The following ARFGEF1 variants were observed in gnomAD, a reference collection of about 807,000 sequenced individuals.
ARFGEF1 encodes brefeldin A-inhibited guanine nucleotide-exchange protein 1.
A neutral mutation model predicts 231.0 loss-of-function variants in ARFGEF1; 42 were observed. The ratio of observed to expected loss-of-function variants is 0.18; its 90% CI spans 0.14 to 0.24. The LOEUF is 0.24. Among genes scored for constraint, ARFGEF1 ranks in the 10% least tolerant of loss-of-function variants. The pLI is 1.00. For missense variants in ARFGEF1, 1,345 were observed against 2,192.0 expected (o/e 0.61, Z 7.72); for synonymous variants, 710 against 732.3 (o/e 0.97, Z 0.49).
At chr8:67,216,437 A>C (rs1365145915) in intron 33 of ARFGEF1, among the ~76,000 whole-genome samples, 153 bp downstream of exon 33, 3 of 148,512 alleles carry the variant, frequency 2.0e-5, no homozygotes, top group Non-Finnish European at 4.5e-5. Context: ...TCGTAATTGT[A>C]AAAAAAAAAT....
chr8:67,185,100 G>A (rs1325449803), intron 5 of ARFGEF1, among the ~76,000 whole-genome samples: 3 of 143,908 alleles, frequency 2.1e-5, no homozygotes, highest in Admixed American at 6.8e-5. Context: ...GCAAGACTCC[G>A]TCTCAAAAAA....
intron 34 of ARFGEF1, among the ~76,000 whole-genome samples, chr8:67,211,054 AAAAC>A (rs1197257931): frequency 6.9e-6 from 1 of 144,802 alleles, no homozygotes; most frequent in African/African-American, 2.6e-5. Context: ...AAAAAAAAAA[AAAAC>A]AAAAGTGGCC....
intron 19 of ARFGEF1, among the ~76,000 whole-genome samples, chr8:67,247,144 A>G (rs1840132283): frequency 6.6e-6 from 1 of 150,480 alleles, no homozygotes; most frequent in Non-Finnish European, 1.5e-5. Flanking sequence ...TGATGGCTTC[A>G]CTGCTAAATT....
At position 67,296,464 on chromosome 8, in the gene ARFGEF1, T is replaced by C; in HGVS notation, c.606A>G (p.Leu202=). The change falls in exon 5 of 39, where the codon CTA becomes CTG. Residue 202 remains leucine (L), a synonymous_variant. Coordinates refer to ENST00000262215, the MANE Select transcript of ARFGEF1 (RefSeq NM_006421.5). ...TTAKATLTQM[L]NVIFARMENQ... ...TTTCCATGCGTGCAAAGATAACATT[T>C]AGCATCTGAGTGAGAGTAGCTTTGG... 6.2e-7 allele frequency: 1 copy of C among 1,613,998 alleles called. No homozygotes were observed. Among genetic ancestry groups the C allele is most frequent in the African/African-American group, 1.3e-5 (1 of 75,032 alleles).
intron 1 of ARFGEF1, among the ~76,000 whole-genome samples, chr8:67,310,633 A>G (rs1806964341): frequency 6.7e-6 from 1 of 150,262 alleles, no homozygotes; most frequent in African/African-American, 2.5e-5. Flanking sequence ...CCCGGCCACC[A>G]TCACATCTAG....
intron 15 of ARFGEF1, among the ~76,000 whole-genome samples, chr8:67,259,492 C>T (rs1440118319): frequency 6.6e-6 from 1 of 152,102 alleles, no homozygotes; most frequent in Non-Finnish European, 1.5e-5. Flanking sequence ...CCTCCCAAAG[C>T]GCTGGAATTA....
intron 5 of ARFGEF1, among the ~76,000 whole-genome samples, chr8:67,182,028 G>C (rs1833179529): frequency 6.6e-6 from 1 of 152,002 alleles, no homozygotes; most frequent in Non-Finnish European, 1.5e-5. Context: ...TTAGAGACAG[G>C]GTCACCCTTG....
At chr8:67,177,070 C>CA (rs36084458) in intron 5 of ARFGEF1, among the ~76,000 whole-genome samples, 4,936 of 50,070 alleles carry the variant, frequency 0.099, 272 homozygotes, top group Non-Finnish European at 0.12. Flanking sequence ...GACTTAGTCT[C>CA]AAAAAAAAAA....
intron 23 of ARFGEF1, among the ~76,000 whole-genome samples, chr8:67,228,626 T>C (rs1271167262): frequency 3.9e-5 from 6 of 152,098 alleles, no homozygotes; most frequent in African/African-American, 1.4e-4. Context: ...CTGATTATTG[T>C]CTAGCATTAA....
intron 7 of ARFGEF1, among the ~76,000 whole-genome samples, chr8:67,277,672 A>G (rs1805369671): frequency 1.3e-5 from 2 of 152,214 alleles, no homozygotes; most frequent in African/African-American, 2.4e-5. Context: ...GCAATGAAAC[A>G]CACTTAGCTG....
At chr8:67,320,002 C>T (rs531665613) in intron 1 of ARFGEF1, among the ~76,000 whole-genome samples, 1 of 151,854 alleles carries the variant, frequency 6.6e-6, no homozygotes, top group Non-Finnish European at 1.5e-5. Flanking sequence ...GGGTGGATCA[C>T]CTGAGGTCAG....
chr8:67,214,029 G>A (rs1838840119), intron 33 of ARFGEF1, among the ~76,000 whole-genome samples: 2 of 152,186 alleles, frequency 1.3e-5, no homozygotes, highest in South Asian at 4.1e-4. Flanking sequence ...GGTAGAAGCT[G>A]GAAGAGTTCT....
intron 35 of ARFGEF1, 151 bp downstream of exon 35, chr8:67,204,529 C>T: frequency 1.1e-6 from 1 of 929,352 alleles, no homozygotes; most frequent in Non-Finnish European, 1.5e-6. Context: ...AACCTTATTA[C>T]CTTGTGATGG....
intron 14 of ARFGEF1, among the ~76,000 whole-genome samples, chr8:67,260,255 T>C (rs1351108360): frequency 6.6e-6 from 1 of 152,224 alleles, no homozygotes; most frequent in African/African-American, 2.4e-5. Context: ...TGCCATGTAG[T>C]AGACGAACTT....
chr8:67,243,033 T>C (rs1839978608), intron 19 of ARFGEF1, among the ~76,000 whole-genome samples: 1 of 152,210 alleles, frequency 6.6e-6, no homozygotes, highest in East Asian at 1.9e-4. Context: ...CTAAGGTTTC[T>C]GACTCATGTC....
chr8:67,180,831 A>G (rs1832822485), intron 5 of ARFGEF1, among the ~76,000 whole-genome samples: 1 of 152,118 alleles, frequency 6.6e-6, no homozygotes, highest in Non-Finnish European at 1.5e-5. Context: ...TCTTCAGAAG[A>G]TAAGTAAAGG....
chr8:67,243,726 C>G (rs190919154), intron 19 of ARFGEF1, among the ~76,000 whole-genome samples: 5 of 152,258 alleles, frequency 3.3e-5, no homozygotes, highest in Non-Finnish European at 7.3e-5. Flanking sequence ...CTGTAAGTAT[C>G]AAGACTATCC....
chr8:67,251,478 T>C (rs1224027535), intron 18 of ARFGEF1, 28 bp from the exon 19 acceptor site: 4 of 1,542,782 alleles, frequency 2.6e-6, no homozygotes, highest in East Asian at 2.3e-5. Flanking sequence ...ATCAGCATTT[T>C]AAATATAAAA....
At chr8:67,317,033 A>G (rs186142268) in intron 1 of ARFGEF1, among the ~76,000 whole-genome samples, 163 of 152,288 alleles carry the variant, frequency 1.1e-3, no homozygotes, top group African/African-American at 3.6e-3. Context: ...CCTGTGTAAT[A>G]ACACCCCAAC....
Sources: allele counts gnomAD v4.1 joint callset (sites outside exome capture counted in the v4.1 genomes callset), GRCh38; gene constraint gnomAD v4.1.1; transcripts MANE v1.5; gene names NCBI Gene and HGNC (gene_info 2026-07-23, HGNC 2026-07-21).